The following EXPH5 variants were observed in gnomAD, a reference collection of about 807,000 sequenced individuals.
EXPH5 encodes exophilin-5.
Under a neutral mutation model 41.1 loss-of-function variants are expected in EXPH5, and 42 were observed. The observed-to-expected ratio is 1.02, with a 90% CI of 0.80 to 1.32. The LOEUF is 1.32. Among genes scored for constraint, EXPH5 ranks in the 40% most tolerant of loss-of-function variants. The pLI is 0.00. For synonymous variants in EXPH5, 798 were observed against 833.5 expected (o/e 0.96, Z 0.73); for missense variants, 2,298 against 2,314.5 (o/e 0.99, Z 0.15).
At chr11:108,519,398 C>T (rs945550890) in intron 4 of EXPH5, among the ~76,000 whole-genome samples, 3 of 152,064 alleles carry the variant, frequency 2.0e-5, no homozygotes, top group Non-Finnish European at 2.9e-5. Flanking sequence ...GATTTCCTAA[C>T]GTTGTACCTA....
intron 5 of EXPH5, among the ~76,000 whole-genome samples, chr11:108,515,868 T>A (rs564205001): frequency 7.9e-5 from 12 of 152,056 alleles, no homozygotes; most frequent in African/African-American, 2.9e-4. Flanking sequence ...GTCAGGAGAT[T>A]GAGACCATCC....
chr11:108,570,541 C>T (rs1274710922), intron 1 of EXPH5, among the ~76,000 whole-genome samples: 2 of 152,156 alleles, frequency 1.3e-5, no homozygotes, highest in African/African-American at 4.8e-5. Context: ...AGGTGTGAGC[C>T]ACTGCGCCTA....
At chr11:108,531,350 T>C (rs533505208) in intron 3 of EXPH5, among the ~76,000 whole-genome samples, 1 of 152,152 alleles carries the variant, frequency 6.6e-6, no homozygotes, top group Non-Finnish European at 1.5e-5. Flanking sequence ...CCAGCTGAGG[T>C]GGGCAGATCA....
At chr11:108,561,178 G>T (rs767900581) in intron 1 of EXPH5, among the ~76,000 whole-genome samples, 7 of 151,864 alleles carry the variant, frequency 4.6e-5, no homozygotes, top group Non-Finnish European at 1.0e-4. Context: ...AAGCAGTAGT[G>T]CCAGGTGTGC....
intron 3 of EXPH5, among the ~76,000 whole-genome samples, chr11:108,531,243 A>G (rs554780551): frequency 1.3e-5 from 2 of 152,260 alleles, no homozygotes; most frequent in South Asian, 4.1e-4. Flanking sequence ...CTAAAATGCA[A>G]ATTTGATCTT....
At position 108,509,668 on chromosome 11, in the gene EXPH5, C is replaced by T. The variant is rs1193316585; in HGVS notation, c.5839G>A (p.Glu1947Lys). 1 of 1,613,916 alleles carries T rather than the reference C, an allele frequency of 6.2e-7. No homozygotes were observed. The highest frequency in any genetic ancestry group is 8.5e-7 in the Non-Finnish European group (1 of 1,179,976). The change falls in exon 6 of 6, where the codon GAA (glutamate) becomes AAA (lysine). Residue 1947 changes from glutamate (E) to lysine (K), a missense_variant. Physicochemically the swap from Glu to Lys is moderately conservative, Grantham distance 56 (BLOSUM62 1). Coordinates refer to ENST00000265843, the MANE Select transcript of EXPH5 (RefSeq NM_015065.3). Reference protein sequence around the residue: ...SSNSPSSQVPEDGLSPSEPLN... With the variant: ...SSNSPSSQVPKDGLSPSEPLN... ...GGTTCACTTGGAGATAAGCCATCTTCTGGCACCTGACTACTGGGAGAATTT... is the reference window on the plus strand; with the variant it reads ...GGTTCACTTGGAGATAAGCCATCTTTTGGCACCTGACTACTGGGAGAATTT...
In EXPH5 at chr11:108,510,814, C is replaced by A; in HGVS notation, c.4693G>T (p.Asp1565Tyr). The change falls in exon 6 of 6, where the codon GAT becomes TAT. Residue 1565 changes from aspartate (D) to tyrosine (Y), a missense_variant. Asp to Tyr is a radical substitution (Grantham distance 160, BLOSUM62 -3). Coordinates refer to ENST00000265843, the MANE Select transcript of EXPH5 (RefSeq NM_015065.3). Reference protein sequence around the residue: ...AEDEMQKSAWDQPSLPEGNKN... With the variant: ...AEDEMQKSAWYQPSLPEGNKN... ...TTTCCTTCAGGAAGTGAAGGTTGAT[C>A]CCAAGCTGACTTCTGCATTTCATCT... is the stretch of plus-strand genomic sequence containing the variant. 6.2e-7 allele frequency: 1 copy of A among 1,614,142 alleles called. No individual in the cohort carries two copies. The highest frequency in any genetic ancestry group is 8.5e-7 in the Non-Finnish European group (1 of 1,180,018).
intron 1 of EXPH5, among the ~76,000 whole-genome samples, chr11:108,564,662 T>G (rs1394131362): frequency 1.3e-5 from 2 of 152,186 alleles, no homozygotes; most frequent in African/African-American, 4.8e-5. Flanking sequence ...GGCCAAAGGA[T>G]GAACATGTTT....
chr11:108,607,525 C>T, the EXPH5 span, among the ~76,000 whole-genome samples: 1 of 152,188 alleles, frequency 6.6e-6, no homozygotes, highest in Non-Finnish European at 1.5e-5. Context: ...CATGGTGGCT[C>T]TACGATGTAC....
Position 108,541,779 on chromosome 11 carries a change from C to T in EXPH5, c.153G>A (p.Trp51Ter). The change falls in exon 2 of 6, where the codon TGG becomes TGA. Residue 51 changes from tryptophan to a stop codon, truncating the protein, a stop_gained. Coordinates refer to ENST00000265843, the MANE Select transcript of EXPH5 (RefSeq NM_015065.3). LOFTEE classifies it high-confidence loss of function. ...KLQKTKRDIR[W>*]LQGVTGEWFE... The stretch of plus-strand genomic sequence containing the variant: ...ACCATTCACCAGTCACTCCCTGAAG[C>T]CATCTGATATCCCTCTTTGTCTTCT... 6.2e-7 allele frequency: 1 copy of T among 1,609,972 alleles called. No individual in the cohort carries two copies. Among genetic ancestry groups the T allele is most frequent in the Non-Finnish European group, 8.5e-7 (1 of 1,178,688 alleles).
intron 1 of EXPH5, among the ~76,000 whole-genome samples, chr11:108,563,548 G>A (rs1379672722): frequency 1.3e-5 from 2 of 152,138 alleles, no homozygotes; most frequent in Admixed American, 1.3e-4. Context: ...GCCGGGCCAC[G>A]GGCCATCTCA....
the EXPH5 span, among the ~76,000 whole-genome samples, chr11:108,604,587 C>G: frequency 6.6e-6 from 1 of 152,136 alleles, no homozygotes; most frequent in Non-Finnish European, 1.5e-5. Context: ...AGCCTTACCC[C>G]TTTTCTATAA....
chr11:108,532,951 T>C (rs2093853262), intron 3 of EXPH5, among the ~76,000 whole-genome samples: 2 of 152,234 alleles, frequency 1.3e-5, no homozygotes, highest in Admixed American at 6.5e-5. Context: ...TTCCTTCTTG[T>C]TGTCCTCACA....
chr11:108,521,009 A>G (rs2093761679), intron 4 of EXPH5, among the ~76,000 whole-genome samples: 1 of 152,024 alleles, frequency 6.6e-6, no homozygotes, highest in South Asian at 2.1e-4. Flanking sequence ...CCAAAACTCC[A>G]TTTGCGTTTC....
intron 1 of EXPH5, among the ~76,000 whole-genome samples, chr11:108,543,606 A>G (rs2093923823): frequency 6.6e-6 from 1 of 152,170 alleles, no homozygotes; most frequent in Non-Finnish European, 1.5e-5. Context: ...GGGTCTTTGT[A>G]TTGCTAAGGG....
chr11:108,595,734 TGTGGGGACAGTA>T (rs2094138012), upstream of EXPH5, among the ~76,000 whole-genome samples: 1 of 152,166 alleles, frequency 6.6e-6, no homozygotes, highest in Admixed American at 6.5e-5. Flanking sequence ...AAAGGTGCAT[TGTGGGGACAGTA>T]GTGAGAAAGA....
chr11:108,573,037 G>C (rs1174165189), intron 1 of EXPH5, among the ~76,000 whole-genome samples: 1 of 150,170 alleles, frequency 6.7e-6, no homozygotes, highest in African/African-American at 2.5e-5. Flanking sequence ...ATAATATAGA[G>C]AGAACTTGTC....
chr11:108,590,800 C>T (rs1280296902), intron 1 of EXPH5, among the ~76,000 whole-genome samples: 1 of 152,168 alleles, frequency 6.6e-6, no homozygotes, highest in Non-Finnish European at 1.5e-5. Context: ...GTATGTGCCA[C>T]AATATCAGGC....
At position 108,547,656 on chromosome 11, in the gene EXPH5, G is replaced by A. The variant is rs189553294; in HGVS notation, c.120-5844C>T. On this transcript the variant is annotated intron_variant, in intron 1 of 5. Coordinates refer to ENST00000265843, the MANE Select transcript of EXPH5 (RefSeq NM_015065.3). ...ATTTTTATTTTTCTAATATTTTGGT[G>A]TTACTATTTATAATTGTTAGTAATT... is the stretch of plus-strand genomic sequence containing the variant. Among the ~76,000 whole-genome samples, 498 of 152,238 alleles carry A rather than the reference G, an allele frequency of 3.3e-3. 1 individual carries two copies. Among genetic ancestry groups the A allele is most frequent in the Non-Finnish European group, 6.3e-3 (430 of 68,008 alleles).
Sources: gnomAD v4.1 joint callset for allele counts (sites outside exome capture counted in the v4.1 genomes callset) on GRCh38, gnomAD v4.1.1 for gene constraint, MANE v1.5 for transcripts, NCBI Gene and HGNC (gene_info 2026-07-23, HGNC 2026-07-21) for gene names.